The following IGF2 variants were observed in gnomAD, a reference collection of about 807,000 sequenced individuals.
The protein encoded by IGF2 is insulin-like growth factor 2.
In IGF2, 2 loss-of-function variants were observed where a neutral mutation model predicts 12.0. That is an observed-to-expected ratio of 0.17 (90% CI 0.07 to 0.52). IGF2 has a LOEUF of 0.52. IGF2 is among the 20% of genes least tolerant of loss of function. IGF2 has a pLI of 0.95. For missense variants in IGF2, 211 were observed against 268.0 expected, an observed-to-expected ratio of 0.79 and a Z score of 1.48; for synonymous variants, 105 against 110.1, an observed-to-expected ratio of 0.95 and a Z score of 0.29.
chr11:2,140,061 A>C (rs1439647209), upstream of IGF2: 12 of 1,437,264 alleles, frequency 8.3e-6, no homozygotes, highest in Admixed American at 2.8e-4. Context: ...AATCTGGGCC[A>C]GGCTTGGAGC....
Position 2,131,723 on chromosome 11 carries a change from GTGC to G in IGF2, c.*1261_*1263del, listed in dbSNP as rs1193988396. 4.6e-6 allele frequency: 1 copy of G among 218,422 alleles called. No homozygotes were observed. The highest frequency in any genetic ancestry group is 9.1e-6 in the Non-Finnish European group (1 of 110,336). 13.5% of individuals were successfully genotyped at this position (218,422 alleles called of 1,614,324 possible). On this transcript the variant is annotated 3_prime_UTR_variant, in exon 4 of 4. Coordinates refer to ENST00000416167, the MANE Select transcript of IGF2 (RefSeq NM_000612.6). ...TGTGCTGTGTGTGCTGTGTTCGTGT[GTGC>G]TGTGTTCGCGTGTGTGTGCTGTGTG...
chr11:2,135,124 C>T (rs1412095385), intron 2 of IGF2, among the ~76,000 whole-genome samples: 1 of 152,182 alleles, frequency 6.6e-6, no homozygotes, highest in Non-Finnish European at 1.5e-5. Context: ...CTGTGAGTGC[C>T]CCTGACGTCT....
the IGF2 span, chr11:2,149,253 T>C: frequency 1.2e-6 from 2 of 1,613,636 alleles, no homozygotes; most frequent in Admixed American, 1.7e-5. Flanking sequence ...TGGCCAATAT[T>C]AGCAGTCACC....
At chr11:2,135,266 T>G (rs1399231129) in intron 2 of IGF2, 101 bp downstream of exon 2, 6 of 1,100,474 alleles carry the variant, frequency 5.5e-6, no homozygotes, top group African/African-American at 1.6e-5. Context: ...GCGGCTGGGC[T>G]GCTGACCTAG....
At chr11:2,144,252 C>A (rs930452115), upstream of IGF2, among the ~76,000 whole-genome samples, 1 of 152,170 alleles carries the variant, frequency 6.6e-6, no homozygotes, top group African/African-American at 2.4e-5. Context: ...GCTCGGTCCC[C>A]GCGTGGGAGG....
In IGF2 at chr11:2,133,481, T is replaced by C. The variant is rs1360673480; in HGVS notation, c.306+36A>G. The C allele has an allele frequency of 6.3e-7, 1 of 1,592,948 alleles. No individual in the cohort carries two copies. On this transcript the variant is annotated intron_variant, in intron 3 of 3. Transcript: ENST00000416167. The surrounding 1 kb of genome is among the most constrained non-coding windows in gnomAD (Gnocchi z 8.9). Reference sequence around the variant, plus strand: ...GGGCGCCCGAAGCCCTATTTCTCTGTCTCTAGAGAGTGGGAAAGGGGCCCA... The same window carrying C: ...GGGCGCCCGAAGCCCTATTTCTCTGCCTCTAGAGAGTGGGAAAGGGGCCCA...
chr11:2,145,442 C>T (rs1859861651), upstream of IGF2, among the ~76,000 whole-genome samples: 1 of 152,220 alleles, frequency 6.6e-6, no homozygotes. Flanking sequence ...CGCCTGCTTC[C>T]CAGGCTGGGG....
In IGF2 at chr11:2,130,537, G is replaced by T. The variant is rs1440716251; in HGVS notation, c.*2450C>A. On this transcript the variant is annotated 3_prime_UTR_variant, in exon 4 of 4. Transcript: ENST00000416167. Reference sequence around the variant, plus strand: ...CTGCCCCCCTGTTACATGGGGGGGGGGTTTAATTTGGTTTCTGAGCGCATA... The same window carrying T: ...CTGCCCCCCTGTTACATGGGGGGGGTGTTTAATTTGGTTTCTGAGCGCATA... The T allele has an allele frequency of 1.4e-5, 3 of 214,378 alleles. No individual in the cohort carries two copies. Among genetic ancestry groups the T allele is most frequent in the Non-Finnish European group, 1.8e-5 (2 of 108,286 alleles). The allele number at this position is 214,378 out of a possible 1,614,324, so 13.3% of individuals were successfully genotyped here.
the IGF2 span, chr11:2,148,985 C>T: frequency 2.6e-6 from 2 of 781,600 alleles, no homozygotes; most frequent in Non-Finnish European, 4.2e-6. This position sits in a 1 kb window ranked among gnomAD's most constrained non-coding sequence, Gnocchi z 4.3. Context: ...GGAGGCTTCC[C>T]TGCACCCTCC....
In IGF2 at chr11:2,138,209, G is replaced by T; in HGVS notation, c.-7+20C>A. On this transcript the variant is annotated intron_variant, in intron 1 of 3. Coordinates refer to ENST00000416167, the MANE Select transcript of IGF2 (RefSeq NM_000612.6). Reference sequence around the variant, plus strand: ...GCCGCCCCAGCCCCGGCCCCGGCCCGGCCCGCACACGCCGCTTACCTGGAA... The same window carrying T: ...GCCGCCCCAGCCCCGGCCCCGGCCCTGCCCGCACACGCCGCTTACCTGGAA... The T allele has an allele frequency of 1.0e-6, 1 of 984,440 alleles. No homozygotes were observed. The highest frequency in any genetic ancestry group is 1.2e-6 in the Non-Finnish European group (1 of 829,498). 61.0% of individuals were successfully genotyped at this position (984,440 alleles called of 1,614,324 possible).
At chr11:2,148,092 C>T in the IGF2 span, 5 of 334,414 alleles carry the variant, frequency 1.5e-5, no homozygotes, top group Admixed American at 4.9e-5. This position sits in a 1 kb window ranked among gnomAD's most constrained non-coding sequence, Gnocchi z 4.3. Context: ...CTGCCCTGTT[C>T]CTGGGTGAGG....
upstream of IGF2, among the ~76,000 whole-genome samples, chr11:2,145,186 G>A (rs919411444): frequency 4.6e-5 from 7 of 152,022 alleles, no homozygotes; most frequent in African/African-American, 9.6e-5. Context: ...CAGCCTCCCC[G>A]TGTCCCCAGC....
chr11:2,148,978 G>A, the IGF2 span: 5 of 712,454 alleles, frequency 7.0e-6, no homozygotes, highest in African/African-American at 8.9e-5. This position sits in a 1 kb window ranked among gnomAD's most constrained non-coding sequence, Gnocchi z 4.3. Context: ...GCTCTCAGGA[G>A]GCTTCCCTGC....
At chr11:2,140,567 G>A, upstream of IGF2, 1 of 489,476 alleles carries the variant, frequency 2.0e-6, no homozygotes, top group South Asian at 2.1e-5. Context: ...CCTCTCCTCC[G>A]CGTCCCTCGC....
At chr11:2,142,199 A>G (rs973108325), upstream of IGF2, among the ~76,000 whole-genome samples, 2 of 136,882 alleles carry the variant, frequency 1.5e-5, no homozygotes, top group Non-Finnish European at 3.2e-5. The surrounding 1 kb of genome is among the most constrained non-coding windows in gnomAD (Gnocchi z 5.7). Context: ...AGACTCATAA[A>G]TCAGTATTAA....
chr11:2,133,975 T>C lies in IGF2; in HGVS notation c.158-310A>G, dbSNP rs529681217. On this transcript the variant is annotated intron_variant, in intron 2 of 3. Transcript: ENST00000416167. This position sits in a 1 kb window ranked among gnomAD's most constrained non-coding sequence, Gnocchi z 8.9. ...CACCACCAGGACCAAAGGCTCACAA[T>C]GGGAGTGGTTTGGAAAATGTGTGGG... is the stretch of plus-strand genomic sequence containing the variant. Among the ~76,000 whole-genome samples the C allele has an allele frequency of 2.6e-5, 4 of 152,226 alleles. No homozygotes were observed. The South Asian group carries it at 6.2e-4, about 24-fold the overall frequency.
At position 2,133,533 on chromosome 11, in the gene IGF2, G is replaced by A. The variant is rs775000758; in HGVS notation, c.290C>T (p.Pro97Leu). 1.2e-6 allele frequency: 2 copies of A among 1,612,208 alleles called. No homozygotes were observed. The highest frequency in any genetic ancestry group is 1.1e-5 in the South Asian group (1 of 90,954). Residue 97 changes from proline to leucine, a missense_variant, in exon 3 of 4, where the codon CCT becomes CTT. Around this residue, in one of 3 missense-constraint regions of IGF2, gnomAD observed 141 missense variants for 153.1 expected, o/e 0.92. Transcript: ENST00000416167. The surrounding 1 kb of genome is among the most constrained non-coding windows in gnomAD (Gnocchi z 8.9). ...PAKSERDVST[P>L]PTVLPDNFPR... is the part of the protein sequence containing the mutation. ...GACCCTCACCGGAAGCACGGTCGGA[G>A]GGGTCGACACGTCCCTCTCGGACTT...
In IGF2 at chr11:2,138,389, G is replaced by GT. The variant is rs1491468338; in HGVS notation, c.-168_-167insA. On this transcript the variant is annotated 5_prime_UTR_variant, in exon 1 of 4. Coordinates refer to ENST00000416167, the MANE Select transcript of IGF2 (RefSeq NM_000612.6). ...CAGAGCGGGGGGATGGCTTTTTTTT[G>GT]GGGGGGGGGGGAGAATTCGTCTGAT... 4.2e-6 allele frequency: 1 copy of GT among 240,562 alleles called. No homozygotes were observed. Among genetic ancestry groups the GT allele is most frequent in the East Asian group, 4.3e-4 (1 of 2,336 alleles). The allele number at this position is 240,562 out of a possible 1,614,324, so 14.9% of individuals were successfully genotyped here.
upstream of IGF2, among the ~76,000 whole-genome samples, chr11:2,143,805 C>A (rs968835077): frequency 6.6e-6 from 1 of 152,212 alleles, no homozygotes; most frequent in Non-Finnish European, 1.5e-5. Flanking sequence ...TTAGAGGATC[C>A]CAGAAAAAGT....
Sources: allele counts gnomAD v4.1 joint callset (sites outside exome capture counted in the v4.1 genomes callset), GRCh38; gene constraint gnomAD v4.1.1; regional missense constraint gnomAD v4.1.1; non-coding constraint Gnocchi (gnomAD v3.1); transcripts MANE v1.5; gene names NCBI Gene and HGNC (gene_info 2026-07-23, HGNC 2026-07-21).